Variants in GARIN1A observed in about 807,000 individuals in gnomAD.
GARIN1A encodes golgi associated RAB2 interactor 1A.
At chr7:128,672,314 G>T in the GARIN1A span, 3 of 1,205,820 alleles carry the variant, frequency 2.5e-6, no homozygotes, top group Non-Finnish European at 3.5e-6. Flanking sequence ...GGAGGTGGGG[G>T]CAGATCACAT....
chr7:128,674,414 C>T, the GARIN1A span, among the ~76,000 whole-genome samples: 2 of 152,088 alleles, frequency 1.3e-5, no homozygotes, highest in Non-Finnish European at 2.9e-5. Flanking sequence ...CATGAATGAC[C>T]GCACACAGTC....
At chr7:128,693,205 A>G in the GARIN1A span, among the ~76,000 whole-genome samples, 2 of 152,384 alleles carry the variant, frequency 1.3e-5, no homozygotes, top group African/African-American at 4.8e-5. Context: ...TGTGGTGTTA[A>G]TAATTGCAAC....
At chr7:128,674,219 T>G in the GARIN1A span, among the ~76,000 whole-genome samples, 1 of 152,142 alleles carries the variant, frequency 6.6e-6, no homozygotes, top group African/African-American at 2.4e-5. Flanking sequence ...CTAAGTGACC[T>G]GGGTAGCAGC....
the GARIN1A span, among the ~76,000 whole-genome samples, chr7:128,707,599 G>A: frequency 6.6e-6 from 1 of 151,942 alleles, no homozygotes; most frequent in South Asian, 2.1e-4. Flanking sequence ...GGGAACACAG[G>A]CCCTGCTAAT....
At chr7:128,682,892 G>A in the GARIN1A span, 1 of 1,292,024 alleles carries the variant, frequency 7.7e-7, no homozygotes, top group South Asian at 1.5e-5. Context: ...TGGTTTTTAA[G>A]TTAAATTTTA....
the GARIN1A span, among the ~76,000 whole-genome samples, chr7:128,674,953 A>G: frequency 3.3e-5 from 5 of 152,066 alleles, no homozygotes; most frequent in Non-Finnish European, 5.9e-5. Flanking sequence ...AGTGTAGAGC[A>G]TTGGGAGAAG....
At chr7:128,703,120 A>G in the GARIN1A span, among the ~76,000 whole-genome samples, 1 of 152,270 alleles carries the variant, frequency 6.6e-6, no homozygotes, top group Non-Finnish European at 1.5e-5. Context: ...TTCTTCTCTC[A>G]GTAAGTTGAT....
the GARIN1A span, chr7:128,675,517 G>A: frequency 7.4e-6 from 5 of 680,208 alleles, no homozygotes; most frequent in South Asian, 7.0e-5. Context: ...ACCTTAAAGT[G>A]TATTTGGGGA....
At chr7:128,672,309 T>C in the GARIN1A span, 1 of 1,120,782 alleles carries the variant, frequency 8.9e-7, no homozygotes, top group Non-Finnish European at 1.3e-6. Flanking sequence ...GCTGGGGAGG[T>C]GGGGGCAGAT....
chr7:128,682,953 G>T, the GARIN1A span: 2 of 1,552,506 alleles, frequency 1.3e-6, no homozygotes, highest in South Asian at 1.2e-5. Context: ...AAATTCCCTG[G>T]GCTCCTACAG....
the GARIN1A span, chr7:128,675,597 G>C: frequency 6.7e-7 from 1 of 1,485,020 alleles, no homozygotes; most frequent in Non-Finnish European, 9.3e-7. Context: ...CCAAGATGAT[G>C]TGCCACTTTC....
chr7:128,707,208 T>TTGTGTG, the GARIN1A span, among the ~76,000 whole-genome samples: 5 of 94,692 alleles, frequency 5.3e-5, no homozygotes, highest in African/African-American at 2.1e-4. Context: ...ATTATTATTA[T>TTGTGTG]TGTGTGTATG....
the GARIN1A span, chr7:128,678,108 C>T: frequency 4.4e-5 from 9 of 205,030 alleles, no homozygotes; most frequent in Middle Eastern, 2.2e-3. Flanking sequence ...GCAGCTTCCA[C>T]CTCCCAAATT....
the GARIN1A span, among the ~76,000 whole-genome samples, chr7:128,688,848 C>T: frequency 1.4e-5 from 2 of 140,960 alleles, no homozygotes; most frequent in Admixed American, 1.4e-4. Flanking sequence ...CCTCTGATGC[C>T]GAGCCGAAGC....
chr7:128,676,048 C>A, the GARIN1A span, among the ~76,000 whole-genome samples: 2 of 137,504 alleles, frequency 1.5e-5, no homozygotes, highest in Non-Finnish European at 1.5e-5. Flanking sequence ...GAGACAGAGT[C>A]TCGCTCTGTT....
At chr7:128,676,895 G>A in the GARIN1A span, among the ~76,000 whole-genome samples, 1 of 152,028 alleles carries the variant, frequency 6.6e-6, no homozygotes, top group Non-Finnish European at 1.5e-5. Flanking sequence ...TATCTTGGCA[G>A]GGCACAGTGG....
At chr7:128,676,019 CTTTTT>C in the GARIN1A span, among the ~76,000 whole-genome samples, 3 of 121,556 alleles carry the variant, frequency 2.5e-5, no homozygotes, top group Non-Finnish European at 3.6e-5. Context: ...TATTTAGTAT[CTTTTT>C]TTTTTTTTTT....
At chr7:128,672,458 G>A in the GARIN1A span, 9 of 1,608,780 alleles carry the variant, frequency 5.6e-6, no homozygotes, top group Non-Finnish European at 7.6e-6. Flanking sequence ...AGTGGAACTT[G>A]GGGTGGAAAA....
chr7:128,677,504 CAAAAAA>C, the GARIN1A span: 5 of 1,272,878 alleles, frequency 3.9e-6, no homozygotes, highest in African/African-American at 4.1e-5. Context: ...GACTCCGTCT[CAAAAAA>C]AAAAAAAAAA....
Sources: gnomAD v4.1 joint callset for allele counts (sites outside exome capture counted in the v4.1 genomes callset) on GRCh38, gnomAD v4.1.1 for gene constraint, MANE v1.5 for transcripts, NCBI Gene and HGNC (gene_info 2026-07-23, HGNC 2026-07-21) for gene names.